The following CPVL variants were observed in gnomAD, a reference collection of about 807,000 sequenced individuals.
CPVL encodes the protein probable serine carboxypeptidase CPVL.
Under a neutral mutation model 63.7 loss-of-function variants are expected in CPVL, and 51 were observed. That is an observed-to-expected ratio of 0.80 (90% CI 0.64 to 1.01). The LOEUF (loss-of-function observed/expected upper bound fraction) is 1.01. Ranked by LOEUF, CPVL falls within the 50% of genes least tolerant of loss-of-function variation. The pLI is 0.00. For synonymous variants in CPVL, 195 were observed against 206.0 expected, an observed-to-expected ratio of 0.95 and a Z score of 0.46; for missense variants, 530 against 573.1, an observed-to-expected ratio of 0.92 and a Z score of 0.77.
At chr7:29,140,911 G>A (rs1282635007) in intron 1 of CPVL, among the ~76,000 whole-genome samples, 1 of 152,184 alleles carries the variant, frequency 6.6e-6, no homozygotes, top group Non-Finnish European at 1.5e-5. Flanking sequence ...TTTTAGGTAT[G>A]ATCTTAAGGA....
rs62442604 is a variant in CPVL at position 29,067,093 on chromosome 7, C to T, written c.865-972G>A. ...GATCAGTACATTAGCAGAAGAGATT[C>T]GGACAGGAGGTGGTAGTTGGAGAAA... On this transcript the variant is annotated intron_variant, in intron 9 of 12. Transcript: ENST00000265394. 6.2e-3 allele frequency among the ~76,000 whole-genome samples: 941 copies of T among 152,136 alleles called. 1 individual carries two copies. Among genetic ancestry groups the T allele is most frequent in the Non-Finnish European group, 7.9e-3 (535 of 68,012 alleles).
chr7:29,111,693 T>C (rs1331884248), intron 3 of CPVL, among the ~76,000 whole-genome samples: 1 of 152,134 alleles, frequency 6.6e-6, no homozygotes, highest in Non-Finnish European at 1.5e-5. Context: ...TCAGAGGCCA[T>C]GTAGTTGAGA....
intron 3 of CPVL, among the ~76,000 whole-genome samples, chr7:29,108,080 G>A (rs1787900071): frequency 6.6e-6 from 1 of 152,220 alleles, no homozygotes. Context: ...CTGAGAGGGA[G>A]CCCTTCCTGT....
intron 11 of CPVL, among the ~76,000 whole-genome samples, chr7:29,046,393 T>G (rs1789616636): frequency 6.6e-6 from 1 of 152,002 alleles, no homozygotes; most frequent in African/African-American, 2.4e-5. Context: ...CAGGTAAACT[T>G]TTACATACAG....
At chr7:29,111,290 A>G (rs542815705) in intron 3 of CPVL, among the ~76,000 whole-genome samples, 194 of 152,148 alleles carry the variant, frequency 1.3e-3, no homozygotes, top group African/African-American at 4.6e-3. Context: ...GCCTATTATC[A>G]CTCTCCTCCA....
rs537690973 is a variant in CPVL at position 29,106,674 on chromosome 7, C to CA, written c.288+6029dup. Among the ~76,000 whole-genome samples the CA allele has an allele frequency of 3.3e-3, 485 of 146,222 alleles. 2 individuals are homozygous for CA. The highest frequency in any genetic ancestry group is 4.9e-3 in the Non-Finnish European group (328 of 66,296). On this transcript the variant is annotated intron_variant, in intron 3 of 12. Transcript: ENST00000265394. ...AGAGGGTAGAATTGGAGCTGAGAGG[C>CA]AAAAAAAAACAAAAATTAAAAGTAG...
At chr7:29,179,925 A>G (rs527615318) in intron 5 of CPVL, among the ~76,000 whole-genome samples, 6 of 152,368 alleles carry the variant, frequency 3.9e-5, no homozygotes, top group African/African-American at 1.4e-4. Context: ...TGAAAGCATT[A>G]AGATAACTTA....
intron 12 of CPVL, chr7:29,009,375 A>C (rs375297399): frequency 1.6e-4 from 24 of 152,108 alleles, no homozygotes; most frequent in African/African-American, 5.6e-4. Context: ...TACCGGCAAG[A>C]ATAATCAATT....
At chr7:29,184,250 T>A (rs1480218729) in intron 4 of CPVL, among the ~76,000 whole-genome samples, 1 of 150,718 alleles carries the variant, frequency 6.6e-6, no homozygotes, top group Non-Finnish European at 1.5e-5. Context: ...ATATACAATC[T>A]ATATATAAGA....
chr7:29,081,746 G>A (rs1312609507), intron 7 of CPVL, among the ~76,000 whole-genome samples: 1 of 152,148 alleles, frequency 6.6e-6, no homozygotes, highest in Non-Finnish European at 1.5e-5. Context: ...TATTAGCCCA[G>A]CTTTTCAGCA....
At chr7:29,062,297 C>T (rs1041380227) in intron 11 of CPVL, among the ~76,000 whole-genome samples, 9 of 152,110 alleles carry the variant, frequency 5.9e-5, no homozygotes, top group South Asian at 2.1e-4. Context: ...AAAGACAACG[C>T]GTTCTGAGAG....
At chr7:29,038,000 CA>C (rs71784261) in intron 11 of CPVL, among the ~76,000 whole-genome samples, 6,160 of 152,146 alleles carry the variant, frequency 0.04, 422 homozygotes, top group African/African-American at 0.14. Context: ...CAGGTTTTAC[CA>C]ATGTTTTTAT....
chr7:29,116,270 G>A (rs1381853345), intron 2 of CPVL, among the ~76,000 whole-genome samples: 1 of 152,064 alleles, frequency 6.6e-6, no homozygotes, highest in African/African-American at 2.4e-5. Context: ...AAAAAGTTTT[G>A]CCCTGTTTCA....
intron 12 of CPVL, among the ~76,000 whole-genome samples, chr7:29,027,100 C>G (rs1456888663): frequency 6.6e-6 from 1 of 152,082 alleles, no homozygotes; most frequent in African/African-American, 2.4e-5. Context: ...AAAATACTAG[C>G]AAACAGAATC....
chr7:29,025,997 T>A (rs1267758463), intron 12 of CPVL, among the ~76,000 whole-genome samples: 2 of 152,140 alleles, frequency 1.3e-5, no homozygotes, highest in Non-Finnish European at 2.9e-5. Flanking sequence ...GAACATGTTA[T>A]CCAACTGCTA....
intron 9 of CPVL, among the ~76,000 whole-genome samples, chr7:29,068,395 G>A (rs1783353084): frequency 6.6e-6 from 1 of 152,158 alleles, no homozygotes; most frequent in Admixed American, 6.6e-5. Context: ...GAATGAAAAG[G>A]GTTATCACCA....
intron 1 of CPVL, among the ~76,000 whole-genome samples, chr7:29,126,004 A>G (rs114435861): frequency 0.022 from 3,303 of 152,264 alleles, 131 homozygotes; most frequent in African/African-American, 0.075. Context: ...AAATTTTCAG[A>G]AATATTGAGA....
chr7:29,095,030 A>G (rs889593701), intron 5 of CPVL, 54 bp downstream of exon 5: 4 of 1,343,136 alleles, frequency 3.0e-6, no homozygotes, highest in Non-Finnish European at 4.2e-6. Flanking sequence ...AAAGGAAAAA[A>G]TAAAAGACAG....
intron 12 of CPVL, among the ~76,000 whole-genome samples, chr7:29,001,578 A>G (rs534634910): frequency 1.3e-5 from 2 of 152,328 alleles, no homozygotes; most frequent in South Asian, 2.1e-4. Flanking sequence ...AAAGAATGCA[A>G]TAAGTCACTT....
Sources: gnomAD v4.1 joint callset for allele counts (sites outside exome capture counted in the v4.1 genomes callset) on GRCh38, gnomAD v4.1.1 for gene constraint, MANE v1.5 for transcripts, NCBI Gene and HGNC (gene_info 2026-07-23, HGNC 2026-07-21) for gene names.